MMS19: variants seen among roughly 807,000 people sequenced by gnomAD.
MMS19 encodes the protein MMS19 nucleotide excision repair protein homolog.
MMS19 carries 77 observed loss-of-function variants against 129.8 expected under a neutral mutation model. That is an observed-to-expected ratio of 0.59 (90% CI 0.49 to 0.72). The LOEUF (loss-of-function observed/expected upper bound fraction) is 0.72. Ranked by LOEUF, MMS19 falls within the 30% of genes least tolerant of loss-of-function variation. The pLI, the probability that MMS19 is intolerant of heterozygous loss-of-function variation, is 0.00. For missense variants in MMS19, 1,168 were observed against 1,266.3 expected (o/e 0.92, Z 1.18); for synonymous variants, 491 against 502.8 (o/e 0.98, Z 0.31).
intron 25 of MMS19, among the ~76,000 whole-genome samples, chr10:97,460,478 G>C (rs2031481950): frequency 6.6e-6 from 1 of 152,168 alleles, no homozygotes; most frequent in Non-Finnish European, 1.5e-5. Flanking sequence ...GGCTGAAGTG[G>C]GAGGATCACT....
intron 1 of MMS19, among the ~76,000 whole-genome samples, chr10:97,493,566 AT>A (rs1436410591): frequency 6.6e-6 from 1 of 152,218 alleles, no homozygotes; most frequent in East Asian, 1.9e-4. Context: ...AAATAAATAA[AT>A]AAAACAATCA....
At chr10:97,463,730 G>A (rs2133337490) in intron 19 of MMS19, 128 bp downstream of exon 19, 1 of 922,002 alleles carries the variant, frequency 1.1e-6, no homozygotes, top group Admixed American at 2.8e-5. Context: ...TCACTCTGAG[G>A]ACAAAGGATT....
chr10:97,479,776 A>C (rs944178938), intron 3 of MMS19, among the ~76,000 whole-genome samples: 7 of 152,308 alleles, frequency 4.6e-5, no homozygotes, highest in Middle Eastern at 3.4e-3. Context: ...TAAACAATGC[A>C]ACCAACTATC....
chr10:97,496,702 C>T (rs769060039), intron 1 of MMS19, among the ~76,000 whole-genome samples: 1 of 151,976 alleles, frequency 6.6e-6, no homozygotes, highest in Non-Finnish European at 1.5e-5. Flanking sequence ...TGTTCTATAT[C>T]TTCGTAGGGG....
intron 1 of MMS19, among the ~76,000 whole-genome samples, chr10:97,486,862 C>CATATACAT (rs2037942782): frequency 1.2e-5 from 1 of 85,080 alleles, no homozygotes; most frequent in South Asian, 3.5e-4. Context: ...ATTAAAGTGC[C>CATATACAT]ATATATATAT....
At chr10:97,496,406 C>T (rs12767191) in intron 1 of MMS19, among the ~76,000 whole-genome samples, 28,802 of 150,274 alleles carry the variant, frequency 0.19, 3,542 homozygotes, top group Non-Finnish European at 0.27. Flanking sequence ...CCAGCTACTT[C>T]GGGAGGCTTG....
chr10:97,497,721 G>A (rs1460145342), intron 1 of MMS19, among the ~76,000 whole-genome samples: 2 of 152,210 alleles, frequency 1.3e-5, no homozygotes, highest in Non-Finnish European at 2.9e-5. Flanking sequence ...ACTTTAGCAA[G>A]AAACGGAGAG....
intron 1 of MMS19, 91 bp downstream of exon 1, chr10:97,498,182 C>G: frequency 7.9e-7 from 1 of 1,262,284 alleles, no homozygotes; most frequent in Non-Finnish European, 1.1e-6. Context: ...TCAAAGTCAC[C>G]CCGCTCCTCC....
chr10:97,482,737 T>C (rs201943701), intron 2 of MMS19, among the ~76,000 whole-genome samples: 4,770 of 98,326 alleles, frequency 0.049, 243 homozygotes, highest in East Asian at 0.25. Flanking sequence ...TGTATATATA[T>C]ACACACACAC....
rs905873727 is a variant in MMS19, at chr10:97,478,830, G to GT, written c.263-442dup. On this transcript the variant is annotated intron_variant, in intron 3 of 30. Transcript: ENST00000438925. Reference sequence around the variant, plus strand: ...GTTTATAAAAACAGGTGTATGATGTGTTTTTTTTAATGTGTGACATAAATT... The same window carrying GT: ...GTTTATAAAAACAGGTGTATGATGTGTTTTTTTTTAATGTGTGACATAAATT... Among the ~76,000 whole-genome samples the GT allele has an allele frequency of 7.9e-5, 12 of 151,852 alleles. No individual in the cohort carries two copies. The South Asian group carries it at 1.0e-3, about 13-fold the overall frequency.
At position 97,470,910 on chromosome 10, in the gene MMS19, T is replaced by A; in HGVS notation, c.685-49A>T. 3.3e-6 allele frequency: 5 copies of A among 1,523,224 alleles called. No homozygotes were observed. The South Asian group carries it at 3.4e-5, about 10-fold the overall frequency. 94.4% of individuals were successfully genotyped at this position (1,523,224 alleles called of 1,614,324 possible). A position where few individuals can be genotyped will look rare whatever the true frequency, so the allele number is the denominator to read the frequency against. ...GGTTTGTGTAACATTTCAGACCACC[T>A]TGAACACAGGCTCGAACCTGGTAAC... is the stretch of plus-strand genomic sequence containing the variant. On this transcript the variant is annotated intron_variant, in intron 8 of 30. Coordinates refer to ENST00000438925, the MANE Select transcript of MMS19 (RefSeq NM_022362.5).
In MMS19 at chr10:97,460,631, G is replaced by A; in HGVS notation, c.2469+64C>T. The A allele has an allele frequency of 2.2e-6, 3 of 1,344,976 alleles. No individual in the cohort carries two copies. In the East Asian group the frequency reaches 7.4e-5, roughly 33 times the overall value. 83.3% of individuals were successfully genotyped at this position (1,344,976 alleles called of 1,614,324 possible). ...CAGGGGAGGATGGAAGTCCTTGGGA[G>A]GAATAGGAGCAACCAGAAAGTTTGT... On this transcript the variant is annotated intron_variant, in intron 25 of 30. Transcript: ENST00000438925.
intron 11 of MMS19, 65 bp from the exon 12 acceptor site, chr10:97,469,169 C>T: frequency 6.6e-7 from 1 of 1,510,130 alleles, no homozygotes; most frequent in South Asian, 1.3e-5. Context: ...CACCAATCCA[C>T]TGCCTATTTC....
chr10:97,498,691 C>G (rs914453750), upstream of MMS19: 4 of 422,022 alleles, frequency 9.5e-6, no homozygotes, highest in African/African-American at 8.5e-5. Flanking sequence ...AGGGGCGGTA[C>G]GCACCACGGG....
intron 1 of MMS19, among the ~76,000 whole-genome samples, chr10:97,488,189 T>G (rs924004681): frequency 2.0e-5 from 3 of 152,010 alleles, no homozygotes; most frequent in African/African-American, 7.2e-5. Flanking sequence ...TACGAAAAGG[T>G]GCTCAACCAT....
chr10:97,498,291 C>A lies in MMS19; in HGVS notation c.94G>T (p.Ala32Ser), dbSNP rs1731606753. The A allele has an allele frequency of 4.5e-6, 7 of 1,569,184 alleles. No individual in the cohort carries two copies. Among genetic ancestry groups the A allele is most frequent in the Non-Finnish European group, 5.2e-6 (6 of 1,164,672 alleles). ...GCCGTACCTGCAGCCACCTGGTCAG[C>A]GGGGCCCTCTTGCTGACCCACGACG... ...DFVVGQQEGP[A>S]DQVAADVKSG... The change falls in exon 1 of 31, where the codon GCT becomes TCT. Residue 32 changes from alanine (A) to serine (S), a missense_variant. By Grantham distance (99) the Ala-to-Ser change is moderately conservative. This residue lies in a region of MMS19 where 329 missense variants were observed against 328.6 expected (regional missense o/e 1.00). Coordinates refer to ENST00000438925, the MANE Select transcript of MMS19 (RefSeq NM_022362.5).
intron 3 of MMS19, among the ~76,000 whole-genome samples, chr10:97,480,551 G>GA (rs2036598726): frequency 6.6e-6 from 1 of 152,026 alleles, no homozygotes; most frequent in African/African-American, 2.4e-5. Flanking sequence ...AAAATACACT[G>GA]AAAAAACAGT....
At chr10:97,477,704 G>T in intron 5 of MMS19, 151 bp downstream of exon 5, 1 of 661,406 alleles carries the variant, frequency 1.5e-6, no homozygotes, top group East Asian at 2.8e-5. Context: ...TAACAAAGAT[G>T]AGCATATAAA....
intron 15 of MMS19, 28 bp from the exon 16 acceptor site, chr10:97,466,613 A>C (rs29001315): frequency 0.26 from 407,886 of 1,582,062 alleles, 53,490 homozygotes; most frequent in Non-Finnish European, 0.28. Context: ...CATGAATCTC[A>C]TCTTTCTTCC....
Sources: allele counts gnomAD v4.1 joint callset (sites outside exome capture counted in the v4.1 genomes callset), GRCh38; gene constraint gnomAD v4.1.1; regional missense constraint gnomAD v4.1.1; transcripts MANE v1.5; gene names NCBI Gene and HGNC (gene_info 2026-07-23, HGNC 2026-07-21).